The following ODAM variants were observed in gnomAD, a reference collection of about 807,000 sequenced individuals.
ODAM encodes the protein odontogenic, ameloblast associated, also known as odontogenic ameloblast-associated protein.
A neutral mutation model predicts 48.5 loss-of-function variants in ODAM; 55 were observed. The observed-to-expected ratio is 1.13, with a 90% confidence interval of 0.91 to 1.42. ODAM has a LOEUF of 1.42. Among genes scored for constraint, ODAM ranks in the 40% most tolerant of loss-of-function variants. The pLI, the probability that ODAM is intolerant of heterozygous loss-of-function variation, is 0.00. For synonymous variants in ODAM, 127 were observed against 107.8 expected (o/e 1.18, Z -1.10); for missense variants, 353 against 323.6 (o/e 1.09, Z -0.70).
rs1729420885 is a variant in ODAM, at chr4:70,198,176, A to G, written c.375+19A>G. Reference sequence around the variant, plus strand: ...CAGTCACGTAAGTCAGGCCTCTTTCATTTTGTTCTGAGGAGAGAGAACTGC... The same window carrying G: ...CAGTCACGTAAGTCAGGCCTCTTTCGTTTTGTTCTGAGGAGAGAGAACTGC... On this transcript the variant is annotated intron_variant, in intron 5 of 11. Coordinates refer to ENST00000683306, the MANE Select transcript of ODAM (RefSeq NM_017855.4). 1.3e-6 allele frequency: 2 copies of G among 1,598,146 alleles called. No individual in the cohort carries two copies. Among genetic ancestry groups the G allele is most frequent in the Non-Finnish European group, 1.7e-6 (2 of 1,168,188 alleles).
chr4:70,202,187 C>T (rs974486173), intron 8 of ODAM, 71 bp from the exon 9 acceptor site: 3 of 1,076,792 alleles, frequency 2.8e-6, no homozygotes, highest in Non-Finnish European at 2.9e-6. Flanking sequence ...TACTCTGGTA[C>T]TCTGGGTGGC....
At position 70,196,680 on chromosome 4, in the gene ODAM, T is replaced by G; in HGVS notation, c.52-12T>G. On this transcript the variant is annotated splice_polypyrimidine_tract_variant and intron_variant, in intron 2 of 11. Coordinates refer to ENST00000683306, the MANE Select transcript of ODAM (RefSeq NM_017855.4). ...TTACTATTTCTGATTTTTTTTTCAT[T>G]TTTACTTTTAGCTTATCCCACAGCG... 3 of 1,607,544 alleles carry G rather than the reference T, an allele frequency of 1.9e-6. No individual in the cohort carries two copies. Among genetic ancestry groups the G allele is most frequent in the Non-Finnish European group, 2.5e-6 (3 of 1,176,702 alleles).
At chr4:70,200,869 C>T (rs996887686) in intron 7 of ODAM, among the ~76,000 whole-genome samples, 2 of 151,850 alleles carry the variant, frequency 1.3e-5, no homozygotes, top group East Asian at 1.9e-4. Context: ...TGAATAACCT[C>T]GAAAAGTGAA....
chr4:70,195,863 C>A, intron 1 of ODAM, 70 bp downstream of exon 1: 3 of 542,664 alleles, frequency 5.5e-6, no homozygotes, highest in Non-Finnish European at 7.0e-6. Flanking sequence ...GATAGACTAT[C>A]AAGTTCACCC....
Position 70,197,969 on chromosome 4 carries a change from C to G in ODAM, c.187C>G (p.Gln63Glu), listed in dbSNP as rs1462986836. ...TCCACCTTTCTCTGGAATTTTACAA[C>G]AGCAGCAGCAGGCTCAAATTCCAGG... ...WIPPFSGILQQQQQAQIPGLS... is the reference protein window; with the variant it reads ...WIPPFSGILQEQQQAQIPGLS... Residue 63 changes from glutamine (Q) to glutamate (E), a missense_variant, in exon 5 of 12, where the codon CAG becomes GAG. Gln to Glu is a conservative substitution (Grantham distance 29). Coordinates refer to ENST00000683306, the MANE Select transcript of ODAM (RefSeq NM_017855.4). 2.5e-6 allele frequency: 4 copies of G among 1,613,012 alleles called. No homozygotes were observed. The African/African-American group carries it at 4.0e-5, about 16-fold the overall frequency.
chr4:70,201,558 T>G, intron 8 of ODAM, 57 bp downstream of exon 8: 1 of 934,322 alleles, frequency 1.1e-6, no homozygotes, highest in Non-Finnish European at 1.7e-6. Flanking sequence ...CTTCATTGTC[T>G]ACTAAATCTA....
At chr4:70,201,402 A>T in intron 7 of ODAM, 52 bp from the exon 8 acceptor site, 2 of 884,452 alleles carry the variant, frequency 2.3e-6, no homozygotes, top group Non-Finnish European at 3.6e-6. Flanking sequence ...CTGCAAACTT[A>T]CGACAAGAAT....
chr4:70,204,055 T>C (rs1001032897), intron 11 of ODAM, 120 bp from the exon 12 acceptor site: 2 of 152,000 alleles, frequency 1.3e-5, no homozygotes, highest in Non-Finnish European at 2.9e-5. Context: ...TTTCTGTATG[T>C]ATGAATGCCA....
chr4:70,200,083 A>G (rs1729463138), intron 6 of ODAM: 2 of 442,924 alleles, frequency 4.5e-6, no homozygotes, highest in African/African-American at 4.1e-5. Context: ...CATTCATAGC[A>G]TTTCATTTAT....
chr4:70,196,627 G>C (rs773623963), intron 2 of ODAM, 33 bp downstream of exon 2: 1 of 1,590,028 alleles, frequency 6.3e-7, no homozygotes, highest in African/African-American at 1.3e-5. Flanking sequence ...TAGTCCCACT[G>C]TGTTAAACCT....
intron 7 of ODAM, among the ~76,000 whole-genome samples, chr4:70,200,923 ATG>A (rs1399309177): frequency 6.6e-6 from 1 of 151,938 alleles, no homozygotes; most frequent in East Asian, 1.9e-4. Context: ...CTTTCCACAT[ATG>A]TGTGTGTGGT....
intron 6 of ODAM, chr4:70,200,226 GA>G (rs34093806): frequency 0.58 from 163,062 of 280,132 alleles, 37,571 homozygotes; most frequent in African/African-American, 0.7. Context: ...GATGTCCTTT[GA>G]AAAAAAAAAA....
At position 70,201,451 on chromosome 4, in the gene ODAM, C is replaced by A; in HGVS notation, c.529-3C>A. ...ATAATACATTTTTTAAAAAATCTGACAGATACCATTCTATGCTCAATTTGG... is the reference window on the plus strand; with the variant it reads ...ATAATACATTTTTTAAAAAATCTGAAAGATACCATTCTATGCTCAATTTGG... On this transcript the variant is annotated splice_region_variant and splice_polypyrimidine_tract_variant and intron_variant, in intron 7 of 11. Transcript: ENST00000683306. 3 of 1,467,250 alleles carry A rather than the reference C, an allele frequency of 2.0e-6. No individual in the cohort carries two copies. The highest frequency in any genetic ancestry group is 2.8e-6 in the Non-Finnish European group (3 of 1,056,828). The allele number at this position is 1,467,250 out of a possible 1,614,324, so 90.9% of individuals were successfully genotyped here.
At position 70,196,602 on chromosome 4, in the gene ODAM, A is replaced by AT. The variant is rs767400708; in HGVS notation, c.51+12dup. 3.8e-6 allele frequency: 6 copies of AT among 1,598,010 alleles called. No individual in the cohort carries two copies. The South Asian group carries it at 4.5e-5, about 12-fold the overall frequency. ...GCCACATTGTCAGCCCCAGTAAGTG[A>AT]TTTTATGGCACTACTAGTCCCACTG... On this transcript the variant is annotated intron_variant, in intron 2 of 11. Coordinates refer to ENST00000683306, the MANE Select transcript of ODAM (RefSeq NM_017855.4).
chr4:70,196,768 T>G, intron 3 of ODAM, 35 bp downstream of exon 3: 2 of 1,538,844 alleles, frequency 1.3e-6, no homozygotes, highest in Non-Finnish European at 1.8e-6. Flanking sequence ...CTCCTCCTTT[T>G]TTTAATGGAA....
chr4:70,202,967 A>C, intron 10 of ODAM, 50 bp downstream of exon 10: 1 of 1,528,278 alleles, frequency 6.5e-7, no homozygotes, highest in Non-Finnish European at 8.9e-7. Context: ...CTAATGAAAA[A>C]ATACAGTGAT....
At chr4:70,196,008 A>G (rs961816756) in intron 1 of ODAM, among the ~76,000 whole-genome samples, 1 of 152,058 alleles carries the variant, frequency 6.6e-6, no homozygotes, top group Admixed American at 6.6e-5. Flanking sequence ...GCCATAAATT[A>G]CAAAAACATT....
chr4:70,197,371 A>C, intron 4 of ODAM, 50 bp downstream of exon 4: 33 of 954,632 alleles, frequency 3.5e-5, no homozygotes, highest in Non-Finnish European at 4.9e-5. Context: ...CCTATTGCTC[A>C]TTTATGTTAT....
chr4:70,200,613 G>T lies in ODAM; in HGVS notation c.528+12G>T, dbSNP rs1195786549. 2.6e-6 allele frequency: 4 copies of T among 1,538,834 alleles called. No individual in the cohort carries two copies. Among genetic ancestry groups the T allele is most frequent in the Non-Finnish European group, 3.6e-6 (4 of 1,115,644 alleles). The stretch of plus-strand genomic sequence containing the variant: ...AGTATGAGGAGCAGGTACTGCAAAT[G>T]TTTTATTTTAATCCTACTAGTTCCA... On this transcript the variant is annotated intron_variant, in intron 7 of 11. Coordinates refer to ENST00000683306, the MANE Select transcript of ODAM (RefSeq NM_017855.4).
Sources: allele counts gnomAD v4.1 joint callset (sites outside exome capture counted in the v4.1 genomes callset), GRCh38; gene constraint gnomAD v4.1.1; transcripts MANE v1.5; gene names NCBI Gene and HGNC (gene_info 2026-07-23, HGNC 2026-07-21).